The following TECTA variants were observed in gnomAD, a reference collection of about 807,000 sequenced individuals.
TECTA encodes the protein alpha-tectorin.
A neutral mutation model predicts 216.8 loss-of-function variants in TECTA; 128 were observed. The observed-to-expected ratio is 0.59, with a 90% CI of 0.51 to 0.68. The LOEUF (loss-of-function observed/expected upper bound fraction) is 0.68, where lower values mean the gene tolerates loss of function less well. Ranked by LOEUF, TECTA falls within the 30% of genes least tolerant of loss-of-function variation. The probability of loss-of-function intolerance (pLI) is 0.00; values close to 1 mark genes in which losing one functional copy is unlikely to be tolerated. For missense variants in TECTA, 2,551 were observed against 2,786.2 expected (o/e 0.92, Z 1.90); for synonymous variants, 1,089 against 1,117.1 (o/e 0.97, Z 0.50).
chr11:121,119,620 C>T (rs952820244), intron 7 of TECTA, among the ~76,000 whole-genome samples: 11 of 152,208 alleles, frequency 7.2e-5, no homozygotes, highest in African/African-American at 2.7e-4. Flanking sequence ...TGCTGCAACC[C>T]AGTGCAATCC....
chr11:121,144,023 C>T (rs542290139), intron 11 of TECTA, among the ~76,000 whole-genome samples: 20 of 152,294 alleles, frequency 1.3e-4, no homozygotes, highest in Admixed American at 5.9e-4. Flanking sequence ...AGCCCATAGA[C>T]GCAGGGCCTG....
intron 6 of TECTA, among the ~76,000 whole-genome samples, chr11:121,114,932 C>T (rs1946486101): frequency 2.2e-5 from 1 of 46,226 alleles, no homozygotes; most frequent in South Asian, 9.5e-4. Context: ...CATTCACCAA[C>T]CTATCCATCC....
chr11:121,127,783 C>T lies in TECTA; in HGVS notation c.1806C>T (p.His602=). Residue 602 remains histidine (H), a synonymous_variant, in exon 9 of 24, where the codon CAC becomes CAT. Coordinates refer to ENST00000392793, the MANE Select transcript of TECTA (RefSeq NM_005422.4). The surrounding 1 kb of genome is among the most constrained non-coding windows in gnomAD (Gnocchi z 5.0). The part of the protein sequence containing the change: ...VSTVQCPSFS[H]YSVCTSSCPD... ...CAGTGCAGTGCCCGAGCTTCAGCCA[C>T]TACTCCGTGTGCACAAGCAGCTGCC... The T allele has an allele frequency of 6.2e-7, 1 of 1,614,220 alleles. No homozygotes were observed. The highest frequency in any genetic ancestry group is 8.5e-7 in the Non-Finnish European group (1 of 1,180,042).
chr11:121,141,804 G>A (rs149943711), intron 11 of TECTA, among the ~76,000 whole-genome samples: 201 of 152,166 alleles, frequency 1.3e-3, no homozygotes, highest in Non-Finnish European at 2.3e-3. Flanking sequence ...CCAAGTCCTC[G>A]GGGTAGAAAA....
intron 15 of TECTA, 135 bp downstream of exon 15, chr11:121,160,556 A>C: frequency 7.9e-7 from 1 of 1,269,300 alleles, no homozygotes; most frequent in Non-Finnish European, 1.1e-6. Flanking sequence ...AGCTCTTTGG[A>C]GTTTTGATGC....
chr11:121,150,212 G>A (rs994671286), intron 12 of TECTA, among the ~76,000 whole-genome samples: 49 of 152,180 alleles, frequency 3.2e-4, no homozygotes, highest in African/African-American at 1.2e-3. Context: ...AAACACTAAA[G>A]AGAAATTAGC....
At chr11:121,141,508 G>C (rs1221060638) in intron 11 of TECTA, among the ~76,000 whole-genome samples, 1 of 152,188 alleles carries the variant, frequency 6.6e-6, no homozygotes, top group Non-Finnish European at 1.5e-5. Flanking sequence ...ACAGGGTAGG[G>C]GGGTGAGCTG....
At chr11:121,132,867 G>A (rs1289618085) in intron 10 of TECTA, among the ~76,000 whole-genome samples, 5 of 151,942 alleles carry the variant, frequency 3.3e-5, no homozygotes, top group Admixed American at 6.6e-5. Flanking sequence ...GATTACAGGT[G>A]CCTGCCACTG....
At chr11:121,188,086 T>A in intron 21 of TECTA, 92 bp downstream of exon 21, 2 of 1,409,988 alleles carry the variant, frequency 1.4e-6, no homozygotes, top group South Asian at 1.2e-5. Flanking sequence ...GTGACCGGAC[T>A]GGAATCATCC....
chr11:121,132,998 C>T (rs1220811469), intron 10 of TECTA, among the ~76,000 whole-genome samples: 1 of 152,214 alleles, frequency 6.6e-6, no homozygotes, highest in African/African-American at 2.4e-5. Context: ...TCCTAAGGTG[C>T]TGGGATTACA....
chr11:121,125,862 G>T lies in TECTA; in HGVS notation c.1764G>T (p.Gln588His). 6.2e-7 allele frequency: 1 copy of T among 1,608,410 alleles called. No homozygotes were observed. Among genetic ancestry groups the T allele is most frequent in the Non-Finnish European group, 8.5e-7 (1 of 1,180,008 alleles). ...TTCCAATTGGAGACTGGCGAACCCA[G>T]ACTGGGTGTGGTAAGCTGGCATCCC... Reference protein sequence around the residue: ...LGIPIGDWRTQTGCVSTVQCP... With the variant: ...LGIPIGDWRTHTGCVSTVQCP... The change falls in exon 8 of 24, where the codon CAG becomes CAT. Residue 588 changes from glutamine to histidine, a missense_variant. Physicochemically the swap from Gln to His is conservative, Grantham distance 24. Around this residue, in one of 3 missense-constraint regions of TECTA, gnomAD observed 2,375 missense variants for 2,563.9 expected, o/e 0.93. Coordinates refer to ENST00000392793, the MANE Select transcript of TECTA (RefSeq NM_005422.4).
At chr11:121,180,355 T>C (rs941720669) in intron 20 of TECTA, among the ~76,000 whole-genome samples, 1 of 152,220 alleles carries the variant, frequency 6.6e-6, no homozygotes, top group African/African-American at 2.4e-5. Context: ...GAAATACTAT[T>C]TTTCTTCATT....
chr11:121,179,413 A>C (rs1294772243), intron 20 of TECTA, among the ~76,000 whole-genome samples: 1 of 152,122 alleles, frequency 6.6e-6, no homozygotes, highest in Non-Finnish European at 1.5e-5. Flanking sequence ...ATATGATTTC[A>C]ATTTTTAAAA....
At chr11:121,101,700 G>A (rs893092135) in intron 1 of TECTA, among the ~76,000 whole-genome samples, 2 of 152,196 alleles carry the variant, frequency 1.3e-5, no homozygotes, top group African/African-American at 2.4e-5. Context: ...TGCCTTTCCC[G>A]TGAAAGTTTG....
chr11:121,180,710 C>T (rs985206630), intron 20 of TECTA, among the ~76,000 whole-genome samples: 2 of 151,758 alleles, frequency 1.3e-5, no homozygotes, highest in Non-Finnish European at 2.9e-5. Context: ...GTTTTCTATG[C>T]CTTTGGACAT....
chr11:121,173,217 G>A (rs1947130635), intron 20 of TECTA, among the ~76,000 whole-genome samples: 1 of 151,086 alleles, frequency 6.6e-6, no homozygotes. Context: ...GTCAATTTTG[G>A]TTTTTGTTGC....
Position 121,165,393 on chromosome 11 carries a change from A to G in TECTA, c.5383+10A>G, listed in dbSNP as rs750594256. ...CCCCCCTATGGAAATAGTGAGTGAC[A>G]TGGGCCACCTCCCCACCCAGAAAGG... On this transcript the variant is annotated intron_variant, in intron 17 of 23. Coordinates refer to ENST00000392793, the MANE Select transcript of TECTA (RefSeq NM_005422.4). 8.3e-6 allele frequency: 13 copies of G among 1,567,630 alleles called. No individual in the cohort carries two copies. Among genetic ancestry groups the G allele is most frequent in the Non-Finnish European group, 1.1e-5 (13 of 1,155,098 alleles).
intron 21 of TECTA, among the ~76,000 whole-genome samples, chr11:121,188,463 C>CA (rs1947309522): frequency 6.6e-6 from 1 of 152,190 alleles, no homozygotes; most frequent in Non-Finnish European, 1.5e-5. Context: ...GGGCCAAGTT[C>CA]CACTCCACTA....
intron 20 of TECTA, among the ~76,000 whole-genome samples, chr11:121,179,099 C>A (rs1227757798): frequency 6.6e-6 from 1 of 151,892 alleles, no homozygotes; most frequent in Non-Finnish European, 1.5e-5. Context: ...CTGGCCTAAT[C>A]TTTATTATAT....
Sources: allele counts gnomAD v4.1 joint callset (sites outside exome capture counted in the v4.1 genomes callset), GRCh38; gene constraint gnomAD v4.1.1; regional missense constraint gnomAD v4.1.1; non-coding constraint Gnocchi (gnomAD v3.1); transcripts MANE v1.5; gene names NCBI Gene and HGNC (gene_info 2026-07-23, HGNC 2026-07-21).